The following LAMB1 variants were observed in gnomAD, a reference collection of about 807,000 sequenced individuals.
LAMB1 encodes laminin subunit beta-1.
Under a neutral mutation model 222.3 loss-of-function variants are expected in LAMB1, and 121 were observed. The observed-to-expected ratio is 0.54, with a 90% CI of 0.47 to 0.63. The LOEUF (loss-of-function observed/expected upper bound fraction) is 0.63. Ranked by LOEUF, LAMB1 falls within the 30% of genes least tolerant of loss-of-function variation. The probability of loss-of-function intolerance (pLI) is 0.00; values close to 1 mark genes in which losing one functional copy is unlikely to be tolerated. For synonymous variants in LAMB1, 794 were observed against 807.2 expected (o/e 0.98, Z 0.28); for missense variants, 2,172 against 2,240.8 (o/e 0.97, Z 0.62).
At chr7:107,935,684 G>A in intron 26 of LAMB1, 28 bp from the exon 27 acceptor site, 1 of 1,609,374 alleles carries the variant, frequency 6.2e-7, no homozygotes, top group Non-Finnish European at 8.5e-7. Flanking sequence ...ATTGCCCACA[G>A]TTAACCTCAT....
At chr7:107,981,152 A>G (rs2033964776) in intron 7 of LAMB1, among the ~76,000 whole-genome samples, 1 of 152,166 alleles carries the variant, frequency 6.6e-6, no homozygotes, top group Non-Finnish European at 1.5e-5. Context: ...TCTCTAAAAA[A>G]ATACAAAAAT....
chr7:108,002,152 C>A, intron 2 of LAMB1: 1 of 1,443,170 alleles, frequency 6.9e-7, no homozygotes, highest in South Asian at 1.2e-5. Context: ...CGCGTGCACG[C>A]GGCAGCCCGC....
intron 13 of LAMB1, among the ~76,000 whole-genome samples, chr7:107,968,810 A>G (rs2033684176): frequency 6.6e-6 from 1 of 152,226 alleles, no homozygotes; most frequent in Non-Finnish European, 1.5e-5. Flanking sequence ...CTTAGAAAAC[A>G]ATGCAGCCCT....
At chr7:107,953,852 G>T (rs1192894342) in intron 21 of LAMB1, 98 bp from the exon 22 acceptor site, 2 of 1,008,592 alleles carry the variant, frequency 2.0e-6, no homozygotes, top group Non-Finnish European at 3.1e-6. Context: ...GATCGTGGCG[G>T]TGCTTCATCT....
intron 24 of LAMB1, chr7:107,940,668 C>T (rs930769641): frequency 1.6e-5 from 5 of 310,352 alleles, no homozygotes; most frequent in Non-Finnish European, 3.1e-5. Context: ...GATGTGGGAA[C>T]TCAGAGATCA....
intron 13 of LAMB1, among the ~76,000 whole-genome samples, chr7:107,971,960 G>A (rs780081324): frequency 2.6e-5 from 4 of 152,186 alleles, no homozygotes; most frequent in Non-Finnish European, 5.9e-5. Context: ...TTTACTAAAG[G>A]ATTCAACATG....
Position 107,963,024 on chromosome 7 carries a change from T to C in LAMB1, c.1738A>G (p.Ile580Val). Residue 580 changes from isoleucine (I) to valine (V), a missense_variant, in exon 15 of 34, where the codon ATT (isoleucine) becomes GTT (valine). Transcript: ENST00000222399. ...AAGCCGGCTCCAGTCCAGGAGGGAA[T>C]CCGGTCCTGGATATATTGCCGCTCC... ...IVERQYIQDR[I>V]PSWTGAGFVR... 2 of 1,613,996 alleles carry C rather than the reference T, an allele frequency of 1.2e-6. No individual in the cohort carries two copies. Among genetic ancestry groups the C allele is most frequent in the Non-Finnish European group, 1.7e-6 (2 of 1,179,914 alleles).
chr7:108,001,978 C>T, intron 2 of LAMB1: 2 of 1,445,322 alleles, frequency 1.4e-6, no homozygotes, highest in Non-Finnish European at 1.8e-6. Context: ...GCAGCGAGAG[C>T]CTCCCTCCCG....
chr7:107,934,406 T>TA (rs2032790049), intron 27 of LAMB1, among the ~76,000 whole-genome samples: 1 of 152,256 alleles, frequency 6.6e-6, no homozygotes, highest in East Asian at 1.9e-4. Context: ...CCTTAGTCTA[T>TA]AAAAAATACC....
At chr7:107,959,984 A>AG in intron 18 of LAMB1, 150 bp from the exon 19 acceptor site, 1 of 1,151,142 alleles carries the variant, frequency 8.7e-7, no homozygotes, top group Non-Finnish European at 1.2e-6. Context: ...AAGAAAGGGG[A>AG]GGCAGAGTTG....
intron 24 of LAMB1, among the ~76,000 whole-genome samples, chr7:107,950,082 T>G (rs901469212): frequency 7.9e-5 from 12 of 152,020 alleles, no homozygotes; most frequent in African/African-American, 2.9e-4. Flanking sequence ...ATACAAAAAT[T>G]AGCCGGGCGT....
intron 5 of LAMB1, 102 bp from the exon 6 acceptor site, chr7:107,986,465 G>A: frequency 2.2e-6 from 2 of 891,394 alleles, no homozygotes; most frequent in Non-Finnish European, 3.4e-6. Context: ...CCACAAACTT[G>A]AACTGCATAT....
At chr7:107,964,474 G>A in intron 14 of LAMB1, 78 bp downstream of exon 14, 6 of 1,528,354 alleles carry the variant, frequency 3.9e-6, no homozygotes, top group African/African-American at 1.4e-5. Context: ...TTCTGAAATG[G>A]GGTCTTTACA....
intron 2 of LAMB1, 69 bp from the exon 3 acceptor site, chr7:108,001,802 AGCGGGG>A (rs756525403): frequency 1.4e-6 from 2 of 1,462,200 alleles, no homozygotes; most frequent in Non-Finnish European, 9.3e-7. Flanking sequence ...AAAACGAACA[AGCGGGG>A]GCGGGGGAGT....
chr7:107,965,504 G>A (rs536336779), intron 13 of LAMB1, among the ~76,000 whole-genome samples: 14 of 152,196 alleles, frequency 9.2e-5, no homozygotes, highest in African/African-American at 2.2e-4. Flanking sequence ...GCTTGAACCC[G>A]GGAGGCAGAG....
Position 107,937,104 on chromosome 7 carries a change from G to C in LAMB1, c.3935C>G (p.Ser1312Ter). 1.2e-6 allele frequency: 2 copies of C among 1,613,620 alleles called. No homozygotes were observed. The highest frequency in any genetic ancestry group is 2.2e-5 in the East Asian group (1 of 44,874). The change falls in exon 26 of 34, where the codon TCA (serine) becomes TGA (stop). Residue 1312 changes from serine (S) to a stop codon, truncating the protein, a stop_gained. Coordinates refer to ENST00000222399, the MANE Select transcript of LAMB1 (RefSeq NM_002291.3). LOFTEE classifies it high-confidence loss of function. ...LAEQLEFIKNSDIRGALDSIT... is the reference protein window; with the variant it reads ...LAEQLEFIKN ...CAAAAAATGCTCACCCCGAATATCT[G>C]AGTTTTTGATAAATTCCAGTTGTTC...
At chr7:107,965,964 G>A (rs2033626842) in intron 13 of LAMB1, among the ~76,000 whole-genome samples, 1 of 151,686 alleles carries the variant, frequency 6.6e-6, no homozygotes, top group Admixed American at 6.6e-5. Context: ...CAGGTGTAGG[G>A]GCACACACCT....
chr7:107,955,836 G>A (rs1197789211), intron 20 of LAMB1, among the ~76,000 whole-genome samples: 1 of 151,912 alleles, frequency 6.6e-6, no homozygotes, highest in East Asian at 1.9e-4. Context: ...GGGTTCAAGT[G>A]ATTCTCCTGC....
In LAMB1 at chr7:107,999,923, A is replaced by G. The variant is rs1382032279; in HGVS notation, c.214-1431T>C. 19 of 152,238 alleles carry G rather than the reference A, an allele frequency of 1.2e-4. No individual in the cohort carries two copies. In the East Asian group the frequency reaches 3.5e-3, roughly 28 times the overall value. 9.4% of individuals were successfully genotyped at this position (152,238 alleles called of 1,614,324 possible). ...TTTTGTGGTTTCTGATGCTCTCTAC[A>G]TGTTTAGAGAAACTTCTCTAGTAAC... On this transcript the variant is annotated intron_variant, in intron 3 of 33. Coordinates refer to ENST00000222399, the MANE Select transcript of LAMB1 (RefSeq NM_002291.3).
Sources: allele counts gnomAD v4.1 joint callset (sites outside exome capture counted in the v4.1 genomes callset), GRCh38; gene constraint gnomAD v4.1.1; transcripts MANE v1.5; gene names NCBI Gene and HGNC (gene_info 2026-07-23, HGNC 2026-07-21).